The following LRRC8A variants were observed in gnomAD, a reference collection of about 807,000 sequenced individuals.
LRRC8A encodes volume-regulated anion channel subunit LRRC8A.
LRRC8A carries 24 observed loss-of-function variants against 52.5 expected under a neutral mutation model. The ratio of observed to expected loss-of-function variants is 0.46; its 90% CI spans 0.33 to 0.64. LRRC8A has a LOEUF of 0.64. Ranked by LOEUF, LRRC8A falls within the 30% of genes least tolerant of loss-of-function variation. LRRC8A has a pLI of 0.02. For missense variants in LRRC8A, 677 were observed against 1,094.7 expected, an observed-to-expected ratio of 0.62 and a Z score of 5.38; for synonymous variants, 492 against 494.2, an observed-to-expected ratio of 1.00 and a Z score of 0.06.
intron 2 of LRRC8A, among the ~76,000 whole-genome samples, chr9:128,904,639 G>A (rs1388384164): frequency 6.6e-6 from 1 of 152,100 alleles, no homozygotes; most frequent in Non-Finnish European, 1.5e-5. Context: ...CTTGAGGCCA[G>A]GAGTTTGAAA....
At chr9:128,884,997 A>T (rs1176310492) in intron 1 of LRRC8A, 1 of 152,224 alleles carries the variant, frequency 6.6e-6, no homozygotes, top group Non-Finnish European at 1.5e-5. Flanking sequence ...CTCCTAGATC[A>T]GTCCAGGTGT....
At chr9:128,882,525 C>A in intron 1 of LRRC8A, 1 of 394,888 alleles carries the variant, frequency 2.5e-6, no homozygotes, top group Non-Finnish European at 4.5e-6. Flanking sequence ...CAGGAGTTTC[C>A]GCCTCGGCTC....
intron 2 of LRRC8A, among the ~76,000 whole-genome samples, chr9:128,891,076 G>C (rs573273897): frequency 2.0e-5 from 3 of 152,186 alleles, no homozygotes; most frequent in Admixed American, 6.5e-5. Context: ...TTCAAGACCA[G>C]CCTGGCCAAC....
chr9:128,901,800 G>C (rs1324614820), intron 2 of LRRC8A, among the ~76,000 whole-genome samples: 1 of 152,180 alleles, frequency 6.6e-6, no homozygotes, highest in South Asian at 2.1e-4. Context: ...GCCTGCCCCT[G>C]TAGGGGGCAG....
At position 128,907,718 on chromosome 9, in the gene LRRC8A, C is replaced by A; in HGVS notation, c.554C>A (p.Pro185Gln). The A allele has an allele frequency of 6.2e-7, 1 of 1,613,522 alleles. No individual in the cohort carries two copies. Among genetic ancestry groups the A allele is most frequent in the South Asian group, 1.1e-5 (1 of 91,030 alleles). Residue 185 changes from proline to glutamine, a missense_variant, in exon 3 of 4, where the codon CCG becomes CAG. Around this residue, in one of 4 missense-constraint regions of LRRC8A, gnomAD observed 422 missense variants for 741.5 expected, o/e 0.57. Transcript: ENST00000372600. The surrounding 1 kb of genome is among the most constrained non-coding windows in gnomAD (Gnocchi z 9.3). ...ETVVEESDPK[P>Q]AFSKMNGSMD... ...GTGGTGGAGGAGAGCGACCCCAAGC[C>A]GGCCTTCAGCAAGATGAATGGGTCC...
chr9:128,913,256 G>A (rs1171867491), intron 3 of LRRC8A, among the ~76,000 whole-genome samples: 3 of 152,162 alleles, frequency 2.0e-5, no homozygotes, highest in South Asian at 2.1e-4. Context: ...GAGAGACAGC[G>A]GCTTTCCTGC....
chr9:128,909,908 C>T (rs1840432713), intron 3 of LRRC8A, among the ~76,000 whole-genome samples: 1 of 152,190 alleles, frequency 6.6e-6, no homozygotes, highest in South Asian at 2.1e-4. Context: ...AGAGTTGGGC[C>T]TAGATGGGGC....
At chr9:128,896,769 T>A (rs1564522072) in intron 2 of LRRC8A, among the ~76,000 whole-genome samples, 2 of 152,222 alleles carry the variant, frequency 1.3e-5, no homozygotes, top group Non-Finnish European at 2.9e-5. Context: ...TCACCCATGC[T>A]GGAGTGCAGT....
intron 2 of LRRC8A, among the ~76,000 whole-genome samples, chr9:128,903,510 T>G (rs1840112397): frequency 6.6e-6 from 1 of 151,650 alleles, no homozygotes; most frequent in Non-Finnish European, 1.5e-5. Flanking sequence ...CTTCCCGGGT[T>G]CACGCCATTC....
At chr9:128,901,097 C>G (rs576051074) in intron 2 of LRRC8A, among the ~76,000 whole-genome samples, 4 of 152,254 alleles carry the variant, frequency 2.6e-5, no homozygotes, top group African/African-American at 9.6e-5. Flanking sequence ...TGATTGAACT[C>G]GGGAGGTGGT....
rs559405988 is a variant in LRRC8A, at chr9:128,915,619, C to T, written c.2158-477C>T. Among the ~76,000 whole-genome samples the T allele has an allele frequency of 2.5e-3, 386 of 152,360 alleles. 2 individuals carry two copies. The highest frequency in any genetic ancestry group is 4.7e-3 in the Non-Finnish European group (321 of 68,038). On this transcript the variant is annotated intron_variant, in intron 3 of 3. Transcript: ENST00000372600. The stretch of plus-strand genomic sequence containing the variant: ...GGATTACAGGCGTGAGCCACCGCAC[C>T]CGGCCTAGGGGGTGGATTTTCTCAG...
Position 128,907,841 on chromosome 9 carries a change from G to T in LRRC8A, c.677G>T (p.Arg226Leu). 1.9e-6 allele frequency: 3 copies of T among 1,614,064 alleles called. No homozygotes were observed. The highest frequency in any genetic ancestry group is 2.5e-6 in the Non-Finnish European group (3 of 1,180,018). Reference sequence around the variant, plus strand: ...CGGATCGAGCAGGGTATCGTGGACCGCTCAGAGACGGGCGTGCTGGACAAG... The same window carrying T: ...CGGATCGAGCAGGGTATCGTGGACCTCTCAGAGACGGGCGTGCTGGACAAG... ...KSRIEQGIVD[R>L]SETGVLDKKE... is the part of the protein sequence containing the mutation. Residue 226 changes from arginine (R) to leucine (L), a missense_variant, in exon 3 of 4, where the codon CGC becomes CTC. By Grantham distance (102) the Arg-to-Leu change is moderately radical. Transcript: ENST00000372600. This position sits in a 1 kb window ranked among gnomAD's most constrained non-coding sequence, Gnocchi z 9.3.
At chr9:128,884,675 G>C (rs1356464727) in intron 1 of LRRC8A, among the ~76,000 whole-genome samples, 3 of 152,178 alleles carry the variant, frequency 2.0e-5, no homozygotes. Flanking sequence ...GTGACAGGGA[G>C]TCCAGGGGCC....
chr9:128,906,794 T>G (rs563204990), intron 2 of LRRC8A, among the ~76,000 whole-genome samples: 2 of 152,298 alleles, frequency 1.3e-5, no homozygotes, highest in East Asian at 3.9e-4. Flanking sequence ...ATCTGTTCAT[T>G]AAATAGGTGG....
chr9:128,892,263 C>CA lies in LRRC8A; in HGVS notation c.-9+6143dup, dbSNP rs1450752307. On this transcript the variant is annotated intron_variant, in intron 2 of 3. Coordinates refer to ENST00000372600, the MANE Select transcript of LRRC8A (RefSeq NM_019594.4). This position sits in a 1 kb window ranked among gnomAD's most constrained non-coding sequence, Gnocchi z 5.2. ...ACTGGGCGCTCCTGCCCCAGCCTGG[C>CA]AGGGCGAGGGCAGGTCCTGAGGCTG... Among the ~76,000 whole-genome samples the CA allele has an allele frequency of 4.6e-5, 7 of 152,212 alleles. No individual in the cohort carries two copies. The highest frequency in any genetic ancestry group is 8.8e-5 in the Non-Finnish European group (6 of 68,028).
At chr9:128,914,995 G>A (rs1345955577) in intron 3 of LRRC8A, among the ~76,000 whole-genome samples, 1 of 152,190 alleles carries the variant, frequency 6.6e-6, no homozygotes, top group African/African-American at 2.4e-5. Context: ...TCACTTACCA[G>A]CTGAACCTCT....
chr9:128,907,545 C>T lies in LRRC8A; in HGVS notation c.381C>T (p.Tyr127=). 1 of 1,614,170 alleles carries T rather than the reference C, an allele frequency of 6.2e-7. No homozygotes were observed. Among genetic ancestry groups the T allele is most frequent in the South Asian group, 1.1e-5 (1 of 91,080 alleles). ...RLHWFAKYFP[Y]LVLLHTLIFL... Reference sequence around the variant, plus strand: ...ACTGGTTTGCCAAGTACTTCCCCTACCTGGTGCTTCTGCACACGCTCATCT... The same window carrying T: ...ACTGGTTTGCCAAGTACTTCCCCTATCTGGTGCTTCTGCACACGCTCATCT... The change falls in exon 3 of 4, where the codon TAC becomes TAT. Residue 127 remains tyrosine, a synonymous_variant. Transcript: ENST00000372600. The surrounding 1 kb of genome is among the most constrained non-coding windows in gnomAD (Gnocchi z 9.3).
At chr9:128,897,438 C>T (rs1839859151) in intron 2 of LRRC8A, among the ~76,000 whole-genome samples, 3 of 152,026 alleles carry the variant, frequency 2.0e-5, no homozygotes, top group Admixed American at 2.0e-4. Flanking sequence ...GTCTCAAACT[C>T]CTGAGGTGAT....
chr9:128,909,405 GTCC>G (rs1840403411), intron 3 of LRRC8A, 84 bp downstream of exon 3: 2 of 1,350,562 alleles, frequency 1.5e-6, no homozygotes, highest in African/African-American at 2.9e-5. Flanking sequence ...CAGGCTCAGT[GTCC>G]TGGGACCGTC....
Sources: allele counts gnomAD v4.1 joint callset (sites outside exome capture counted in the v4.1 genomes callset), GRCh38; gene constraint gnomAD v4.1.1; regional missense constraint gnomAD v4.1.1; non-coding constraint Gnocchi (gnomAD v3.1); transcripts MANE v1.5; gene names NCBI Gene and HGNC (gene_info 2026-07-23, HGNC 2026-07-21).